The following TONSL variants were observed in gnomAD, a reference collection of about 807,000 sequenced individuals.
TONSL encodes tonsoku-like protein.
In TONSL, 112 loss-of-function variants were observed where a neutral mutation model predicts 147.1. The ratio of observed to expected loss-of-function variants is 0.76; its 90% CI spans 0.65 to 0.89. The LOEUF is 0.89. Among genes scored for constraint, TONSL ranks in the 40% least tolerant of loss-of-function variants. The pLI is 0.00. For synonymous variants in TONSL, 868 were observed against 801.5 expected, an observed-to-expected ratio of 1.08 and a Z score of -1.40; for missense variants, 1,883 against 1,864.6, an observed-to-expected ratio of 1.01 and a Z score of -0.18.
At position 144,441,095 on chromosome 8, in the gene TONSL, C is replaced by G; in HGVS notation, c.882G>C (p.Arg294=). The G allele has an allele frequency of 6.2e-7, 1 of 1,612,826 alleles. No homozygotes were observed. Among genetic ancestry groups the G allele is most frequent in the African/African-American group, 1.3e-5 (1 of 75,054 alleles). The change falls in exon 8 of 26, where the codon CGG becomes CGC. Residue 294 remains arginine (R), a synonymous_variant. Coordinates refer to ENST00000409379, the MANE Select transcript of TONSL (RefSeq NM_013432.5). The part of the protein sequence containing the change: ...QNLQHVLAVV[R]LQQQLEEAEG... The stretch of plus-strand genomic sequence containing the variant: ...CAGCCTCTTCCAGCTGTTGCTGCAG[C>G]CGGACCACTGCCAGCACTGCCGGGA...
At chr8:144,431,218 A>T (rs1461764033) in intron 23 of TONSL, 67 bp from the exon 24 acceptor site, 1 of 1,524,254 alleles carries the variant, frequency 6.6e-7, no homozygotes, top group East Asian at 2.3e-5. Context: ...GCTTCCCAGC[A>T]GGTGCACCAC....
chr8:144,443,353 C>G, intron 3 of TONSL, 32 bp from the exon 4 acceptor site: 1 of 1,532,694 alleles, frequency 6.5e-7, no homozygotes, highest in Middle Eastern at 1.7e-4. Flanking sequence ...TGCTGTGAGC[C>G]GACTCCGCCT....
intron 5 of TONSL, 85 bp downstream of exon 5, chr8:144,442,592 G>A: frequency 6.5e-7 from 1 of 1,544,004 alleles, no homozygotes; most frequent in Non-Finnish European, 8.7e-7. Context: ...GCTCTCTCAG[G>A]AGGACTCTGG....
rs1554879246 is a variant in TONSL at position 144,433,704 on chromosome 8, G to A, written c.3443C>T (p.Ser1148Phe). 6.2e-7 allele frequency: 1 copy of A among 1,610,794 alleles called. No individual in the cohort carries two copies. The highest frequency in any genetic ancestry group is 8.5e-7 in the Non-Finnish European group (1 of 1,178,940). ...GCAGGCGTGCAGGAGGGAGGCCAGGGACTGGCCACAGCCGTCCCCCAGGGG... is the reference window on the plus strand; with the variant it reads ...GCAGGCGTGCAGGAGGGAGGCCAGGAACTGGCCACAGCCGTCCCCCAGGGG... ...MNPLGDGCGQ[S>F]LASLLHACPL... Residue 1148 changes from serine (S) to phenylalanine (F), a missense_variant, in exon 22 of 26, where the codon TCC becomes TTC. By Grantham distance (155) the Ser-to-Phe change is radical. Transcript: ENST00000409379.
In TONSL at chr8:144,435,851, C is replaced by T. The variant is rs531147931; in HGVS notation, c.2582G>A (p.Ser861Asn). Residue 861 changes from serine to asparagine, a missense_variant, in exon 17 of 26, where the codon AGT (serine) becomes AAT (asparagine). Coordinates refer to ENST00000409379, the MANE Select transcript of TONSL (RefSeq NM_013432.5). Reference sequence around the variant, plus strand: ...CTCCTCACTGTCCGACCCAGAGGTACTACTGGGCCTGCGGTTGTCTCCAGT... The same window carrying T: ...CTCCTCACTGTCCGACCCAGAGGTATTACTGGGCCTGCGGTTGTCTCCAGT... The part of the protein sequence containing the change: ...RGTGDNRRPS[S>N]TSGSDSEESR... 3.3e-5 allele frequency: 53 copies of T among 1,609,774 alleles called. No individual in the cohort carries two copies. The highest frequency in any genetic ancestry group is 4.1e-5 in the Non-Finnish European group (48 of 1,177,650).
At chr8:144,439,138 C>T (rs150468000) in intron 11 of TONSL, among the ~76,000 whole-genome samples, 6 of 152,208 alleles carry the variant, frequency 3.9e-5, no homozygotes, top group Non-Finnish European at 5.9e-5. Context: ...TGAGCTGTGT[C>T]GTCAGGCCAG....
At chr8:144,443,030 G>T in intron 4 of TONSL, 108 bp downstream of exon 4, 1 of 1,360,028 alleles carries the variant, frequency 7.4e-7, no homozygotes, top group Non-Finnish European at 1.0e-6. Context: ...GCCTTGCAAA[G>T]GGAGGGCTCC....
At chr8:144,438,418 G>A (rs1210199865) in intron 13 of TONSL, 53 bp downstream of exon 13, 21 of 1,572,328 alleles carry the variant, frequency 1.3e-5, no homozygotes, top group Non-Finnish European at 1.8e-5. Flanking sequence ...CGGCACAAAC[G>A]CACAGCTCCT....
intron 18 of TONSL, 67 bp downstream of exon 18, chr8:144,435,407 G>C: frequency 7.2e-7 from 1 of 1,395,562 alleles, no homozygotes. Context: ...ACCCTGACAT[G>C]CAAACACGAG....
intron 17 of TONSL, 35 bp downstream of exon 17, chr8:144,435,623 G>T (rs752024750): frequency 7.6e-6 from 12 of 1,582,086 alleles, no homozygotes; most frequent in Non-Finnish European, 2.6e-6. Flanking sequence ...TGCCCGGAGT[G>T]GGGAGAGGGC....
At chr8:144,436,995 G>A (rs1449971046) in intron 14 of TONSL, 32 bp downstream of exon 14, 22 of 1,612,810 alleles carry the variant, frequency 1.4e-5, no homozygotes, top group Non-Finnish European at 1.8e-5. Flanking sequence ...TGTCCACCAA[G>A]GTGCGCCAGG....
At chr8:144,434,576 G>C (rs984765957) in intron 20 of TONSL, among the ~76,000 whole-genome samples, 2 of 152,192 alleles carry the variant, frequency 1.3e-5, no homozygotes, top group Non-Finnish European at 2.9e-5. Flanking sequence ...CCTTGGGTTT[G>C]ACTTTCCAGG....
At position 144,438,683 on chromosome 8, in the gene TONSL, C is replaced by T; in HGVS notation, c.1533G>A (p.Gln511=). Residue 511 remains glutamine (Q), a synonymous_variant, in exon 12 of 26, where the codon CAG becomes CAA. Coordinates refer to ENST00000409379, the MANE Select transcript of TONSL (RefSeq NM_013432.5). ...TPQLEEDEEL[Q]GHLGRRKGSK... ...TCCCCTTCCGCCGGCCCAGGTGGCC[C>T]TGAAGCTCCTCGTCCTCCTCCAGCT... The T allele has an allele frequency of 6.2e-7, 1 of 1,613,292 alleles. No homozygotes were observed. Among genetic ancestry groups the T allele is most frequent in the South Asian group, 1.1e-5 (1 of 91,082 alleles).
chr8:144,440,579 C>T (rs1823674677), intron 9 of TONSL, 103 bp from the exon 10 acceptor site: 2 of 1,521,016 alleles, frequency 1.3e-6, no homozygotes, highest in Non-Finnish European at 1.8e-6. Context: ...AGCCCGGCCT[C>T]CCAGCTGCCG....
Position 144,435,060 on chromosome 8 carries a change from G to A in TONSL, c.2963C>T (p.Ala988Val). ...CACATCAGGGATGAGGTCCTGTGGG[G>A]CCAGCAGGGCCCCCTCTTTCCGTAG... is the stretch of plus-strand genomic sequence containing the variant. Reference protein sequence around the residue: ...LTLRKEGALLAPQDLIPDVLQ... With the variant: ...LTLRKEGALLVPQDLIPDVLQ... The change falls in exon 19 of 26, where the codon GCC becomes GTC. Residue 988 changes from alanine (A) to valine (V), a missense_variant. By Grantham distance (64) the Ala-to-Val change is moderately conservative (BLOSUM62 0). Coordinates refer to ENST00000409379, the MANE Select transcript of TONSL (RefSeq NM_013432.5). 1.9e-6 allele frequency: 3 copies of A among 1,611,604 alleles called. No homozygotes were observed. The highest frequency in any genetic ancestry group is 2.5e-6 in the Non-Finnish European group (3 of 1,179,346).
rs1449106009 is a variant in TONSL at position 144,440,101 on chromosome 8, T to C, written c.1400A>G (p.Glu467Gly). ...RELSVAEDED[E>G]EEEAEEAAAT... is the part of the protein sequence containing the mutation. ...TGCCGCCTCCTCCGCCTCCTCCTCC[T>C]CATCTTCATCTTCAGCTACACTGAG... Residue 467 changes from glutamate to glycine, a missense_variant, in exon 11 of 26, where the codon GAG (glutamate) becomes GGG (glycine). Physicochemically the swap from Glu to Gly is moderately conservative, Grantham distance 98. Coordinates refer to ENST00000409379, the MANE Select transcript of TONSL (RefSeq NM_013432.5). 2 of 1,610,846 alleles carry C rather than the reference T, an allele frequency of 1.2e-6. No homozygotes were observed. The highest frequency in any genetic ancestry group is 1.7e-6 in the Non-Finnish European group (2 of 1,178,694).
rs1823448566 is a variant in TONSL at position 144,436,178 on chromosome 8, G to C, written c.2255C>G (p.Pro752Arg). 3 of 1,575,864 alleles carry C rather than the reference G, an allele frequency of 1.9e-6. No individual in the cohort carries two copies. The highest frequency in any genetic ancestry group is 1.3e-5 in the African/African-American group (1 of 74,414). ...SSSEGEDSAG[P>R]ARPSQKRPRC... ...AGGCCTCTTCTGGGACGGCCGTGCGGGGCCTGCGCTGTCCTCGCCTTCTGA... is the reference window on the plus strand; with the variant it reads ...AGGCCTCTTCTGGGACGGCCGTGCGCGGCCTGCGCTGTCCTCGCCTTCTGA... Residue 752 changes from proline to arginine, a missense_variant, in exon 17 of 26, where the codon CCC becomes CGC. By Grantham distance (103) the Pro-to-Arg change is moderately radical. Transcript: ENST00000409379.
In TONSL at chr8:144,440,951, G is replaced by A. The variant is rs1823694381; in HGVS notation, c.1011+15C>T. On this transcript the variant is annotated intron_variant, in intron 8 of 25. Transcript: ENST00000409379. ...CTCACTGGCCCTTCCCTCCCACCCA[G>A]CCGGGGCCACACACCTGCTTCTGGT... is the stretch of plus-strand genomic sequence containing the variant. 6.2e-7 allele frequency: 1 copy of A among 1,612,874 alleles called. No individual in the cohort carries two copies. The highest frequency in any genetic ancestry group is 1.7e-5 in the Admixed American group (1 of 60,004).
Position 144,440,495 on chromosome 8 carries a change from C to A in TONSL, c.1165-19G>T, listed in dbSNP as rs1041867119. ...TGGCCTCCTGGAGCAGGAGGAAGGACAGGGTCGGGGGCTGCCGCTGTCTGC... is the reference window on the plus strand; with the variant it reads ...TGGCCTCCTGGAGCAGGAGGAAGGAAAGGGTCGGGGGCTGCCGCTGTCTGC... On this transcript the variant is annotated intron_variant, in intron 9 of 25. Transcript: ENST00000409379. 13 of 1,583,724 alleles carry A rather than the reference C, an allele frequency of 8.2e-6. No individual in the cohort carries two copies. The highest frequency in any genetic ancestry group is 1.1e-5 in the Non-Finnish European group (13 of 1,161,456).
Sources: gnomAD v4.1 joint callset for allele counts (sites outside exome capture counted in the v4.1 genomes callset) on GRCh38, gnomAD v4.1.1 for gene constraint, MANE v1.5 for transcripts, NCBI Gene and HGNC (gene_info 2026-07-23, HGNC 2026-07-21) for gene names.